The following EXOC6B variants were observed in gnomAD, a reference collection of about 807,000 sequenced individuals.
EXOC6B encodes exocyst complex component 6B.
In EXOC6B, 54 loss-of-function variants were observed where a neutral mutation model predicts 113.5. That is an observed-to-expected ratio of 0.48 (90% CI 0.38 to 0.60). The LOEUF is 0.60. Ranked by LOEUF, EXOC6B falls within the 20% of genes least tolerant of loss-of-function variation. EXOC6B has a pLI of 0.00. For synonymous variants in EXOC6B, 357 were observed against 339.0 expected (o/e 1.05, Z -0.58); for missense variants, 797 against 977.5 (o/e 0.82, Z 2.46).
At chr2:72,481,678 T>G (rs1699106339) in intron 16 of EXOC6B, among the ~76,000 whole-genome samples, 1 of 152,236 alleles carries the variant, frequency 6.6e-6, no homozygotes, top group Non-Finnish European at 1.5e-5. Flanking sequence ...TGAAATTTTC[T>G]TATCTTTTAT....
At chr2:72,552,631 GCAA>G (rs1208547971) in intron 8 of EXOC6B, among the ~76,000 whole-genome samples, 1 of 151,754 alleles carries the variant, frequency 6.6e-6, no homozygotes, top group Non-Finnish European at 1.5e-5. Flanking sequence ...AAAAAATAAA[GCAA>G]CAACAAAAAG....
intron 7 of EXOC6B, among the ~76,000 whole-genome samples, chr2:72,574,756 C>T (rs1178493526): frequency 6.6e-6 from 1 of 152,114 alleles, no homozygotes; most frequent in Non-Finnish European, 1.5e-5. Flanking sequence ...TCCTAAACAC[C>T]ACACTCACAA....
chr2:72,793,920 A>G (rs1684812786), intron 1 of EXOC6B, among the ~76,000 whole-genome samples: 1 of 152,144 alleles, frequency 6.6e-6, no homozygotes. Context: ...AATAAAAGGG[A>G]AGAGAAGAGT....
At chr2:72,725,321 T>A (rs1047785105) in intron 5 of EXOC6B, among the ~76,000 whole-genome samples, 2 of 152,170 alleles carry the variant, frequency 1.3e-5, no homozygotes, top group African/African-American at 4.8e-5. Flanking sequence ...CATCAAGGAT[T>A]TTTTTTAAAT....
intron 6 of EXOC6B, among the ~76,000 whole-genome samples, chr2:72,681,998 C>CT (rs1346611483): frequency 2.7e-3 from 121 of 44,038 alleles, no homozygotes; most frequent in African/African-American, 9.4e-3. Flanking sequence ...ACCAGAATCT[C>CT]TTAAAAAAAA....
intron 18 of EXOC6B, among the ~76,000 whole-genome samples, chr2:72,382,907 T>C (rs550854089): frequency 6.6e-6 from 1 of 152,176 alleles, no homozygotes; most frequent in Non-Finnish European, 1.5e-5. Context: ...AAGTTGTTTA[T>C]CAGCTCAAGG....
chr2:72,516,397 G>A (rs553688597), intron 8 of EXOC6B, among the ~76,000 whole-genome samples: 29 of 152,038 alleles, frequency 1.9e-4, no homozygotes, highest in Middle Eastern at 6.8e-3. Flanking sequence ...ACAGGTGTGC[G>A]CCACCATGCC....
chr2:72,594,971 T>C (rs1348678526), intron 6 of EXOC6B, among the ~76,000 whole-genome samples: 1 of 152,084 alleles, frequency 6.6e-6, no homozygotes, highest in African/African-American at 2.4e-5. Flanking sequence ...TTAATAAGCA[T>C]GGTGACGCCG....
chr2:72,338,782 T>A (rs1688848662), intron 19 of EXOC6B, among the ~76,000 whole-genome samples: 1 of 152,100 alleles, frequency 6.6e-6, no homozygotes, highest in Admixed American at 6.6e-5. Flanking sequence ...ACTCACTTCA[T>A]AATGTTACCC....
chr2:72,287,102 T>C (rs1685481187), intron 20 of EXOC6B, among the ~76,000 whole-genome samples: 1 of 152,050 alleles, frequency 6.6e-6, no homozygotes, highest in East Asian at 1.9e-4. Context: ...TTGCTGCTGC[T>C]GTTACTGCTA....
intron 7 of EXOC6B, among the ~76,000 whole-genome samples, chr2:72,568,601 G>A (rs1446890): frequency 0.86 from 130,169 of 151,970 alleles, 56,151 homozygotes; most frequent in East Asian, 0.99. Flanking sequence ...GAGAGGAAGC[G>A]TCAAGTTTTA....
In EXOC6B at chr2:72,689,141, C is replaced by T. The variant is rs530079054; in HGVS notation, c.669+28962G>A. 9.2e-5 allele frequency among the ~76,000 whole-genome samples: 14 copies of T among 152,288 alleles called. No individual in the cohort carries two copies. The South Asian group carries it at 2.9e-3, about 32-fold the overall frequency. ...CTGCTATAAGAATTTTAGCCCAGAG[C>T]AACTGAGCAGAAATGTACGTTACTT... On this transcript the variant is annotated intron_variant, in intron 6 of 21. Coordinates refer to ENST00000272427, the MANE Select transcript of EXOC6B (RefSeq NM_015189.3).
chr2:72,182,986 G>A, intron 21 of EXOC6B: 1 of 979,910 alleles, frequency 1.0e-6, no homozygotes, highest in South Asian at 5.3e-5. Context: ...GTGGTCAGGA[G>A]AAAACTGCAG....
intron 20 of EXOC6B, among the ~76,000 whole-genome samples, chr2:72,217,693 C>T (rs1343052665): frequency 6.6e-6 from 1 of 152,154 alleles, no homozygotes; most frequent in Non-Finnish European, 1.5e-5. Flanking sequence ...AAGACAATCA[C>T]AGCATGAATA....
intron 1 of EXOC6B, among the ~76,000 whole-genome samples, chr2:72,824,862 T>C (rs1379778308): frequency 6.6e-6 from 1 of 152,104 alleles, no homozygotes; most frequent in Non-Finnish European, 1.5e-5. Context: ...GGCAAAACAG[T>C]GGTTAAGTGT....
At chr2:72,422,211 A>G (rs867042985) in intron 18 of EXOC6B, among the ~76,000 whole-genome samples, 19 of 152,238 alleles carry the variant, frequency 1.2e-4, no homozygotes, top group African/African-American at 3.9e-4. Context: ...GAGGAATGCA[A>G]GCACCCGGCG....
intron 1 of EXOC6B, among the ~76,000 whole-genome samples, chr2:72,819,256 T>C (rs1281285296): frequency 6.6e-6 from 1 of 152,166 alleles, no homozygotes; most frequent in Non-Finnish European, 1.5e-5. Flanking sequence ...ATAAAAAAGT[T>C]AAGAGGAAAT....
intron 8 of EXOC6B, among the ~76,000 whole-genome samples, chr2:72,536,417 G>T (rs1573345909): frequency 1.3e-5 from 2 of 152,056 alleles, no homozygotes; most frequent in Admixed American, 1.3e-4. Flanking sequence ...AATATTGTTT[G>T]TTATTTATAA....
chr2:72,314,872 G>A (rs1687420171), intron 20 of EXOC6B, among the ~76,000 whole-genome samples: 1 of 152,178 alleles, frequency 6.6e-6, no homozygotes, highest in Non-Finnish European at 1.5e-5. Flanking sequence ...GGCCTACCAT[G>A]TATTAAGGAT....
Sources: gnomAD v4.1 joint callset for allele counts (sites outside exome capture counted in the v4.1 genomes callset) on GRCh38, gnomAD v4.1.1 for gene constraint, MANE v1.5 for transcripts, NCBI Gene and HGNC (gene_info 2026-07-23, HGNC 2026-07-21) for gene names.